MACROD2: variants seen among roughly 807,000 people sequenced by gnomAD.
MACROD2 encodes the protein mono-ADP ribosylhydrolase 2, also known as ADP-ribose glycohydrolase MACROD2.
In MACROD2, 36 loss-of-function variants were observed where a neutral mutation model predicts 70.4. The observed-to-expected ratio is 0.51, with a 90% CI of 0.39 to 0.68. The LOEUF is 0.68. MACROD2 is among the 30% of genes least tolerant of loss of function. The pLI is 0.00. For missense variants in MACROD2, 496 were observed against 538.4 expected (o/e 0.92, Z 0.78); for synonymous variants, 172 against 178.8 (o/e 0.96, Z 0.30).
intron 4 of MACROD2, among the ~76,000 whole-genome samples, chr20:14,676,358 C>A (rs1313688516): frequency 6.6e-6 from 1 of 152,150 alleles, no homozygotes. Flanking sequence ...GAAATCATAA[C>A]AAACTGTCTC....
intron 4 of MACROD2, among the ~76,000 whole-genome samples, chr20:14,661,671 A>T (rs906051064): frequency 1.1e-4 from 17 of 150,832 alleles, no homozygotes; most frequent in African/African-American, 3.6e-4. Flanking sequence ...TTCTAGGTAG[A>T]GCAAAACTTT....
chr20:14,385,553 A>G (rs2083460079), intron 3 of MACROD2, among the ~76,000 whole-genome samples: 1 of 152,226 alleles, frequency 6.6e-6, no homozygotes, highest in South Asian at 2.1e-4. Flanking sequence ...GAAAGTAAAC[A>G]TAAAAGAACT....
chr20:14,760,884 G>A (rs905593876), intron 5 of MACROD2, among the ~76,000 whole-genome samples: 12 of 152,116 alleles, frequency 7.9e-5, no homozygotes, highest in Admixed American at 2.6e-4. Context: ...CAACGTTACT[G>A]AAACTGCTAT....
intron 13 of MACROD2, among the ~76,000 whole-genome samples, chr20:15,980,759 T>G (rs1406385575): frequency 6.6e-6 from 1 of 152,234 alleles, no homozygotes; most frequent in East Asian, 1.9e-4. Context: ...TCTTATAGAC[T>G]TCTCTTTTAG....
intron 8 of MACROD2, among the ~76,000 whole-genome samples, chr20:15,815,735 A>G (rs976239237): frequency 2.2e-4 from 33 of 152,180 alleles, no homozygotes; most frequent in African/African-American, 8.0e-4. Flanking sequence ...AGTTGAAGTT[A>G]TATGAGTCTG....
chr20:15,819,940 G>A (rs1423719340), intron 8 of MACROD2, among the ~76,000 whole-genome samples: 1 of 152,162 alleles, frequency 6.6e-6, no homozygotes, highest in African/African-American at 2.4e-5. Context: ...AAAAAGAACT[G>A]TGTGAGATGA....
chr20:15,502,377 G>A (rs1333242646), intron 8 of MACROD2, among the ~76,000 whole-genome samples: 2 of 152,176 alleles, frequency 1.3e-5, no homozygotes, highest in East Asian at 1.9e-4. Flanking sequence ...TGTGGTTGAA[G>A]CAGAGAGACG....
rs114058128 is a variant in MACROD2 at position 15,497,443 on chromosome 20, C to T, written c.572-2331C>T. On this transcript the variant is annotated intron_variant, in intron 7 of 17. Transcript: ENST00000684519. ...AGTAGCTGGCATTACAGGTGCCCGC[C>T]ACCACGTTTGGCTAAGTTTTGTATT... 7.1e-3 allele frequency among the ~76,000 whole-genome samples: 1,086 copies of T among 152,268 alleles called. 15 individuals are homozygous for T. Among genetic ancestry groups the T allele is most frequent in the African/African-American group, 0.025 (1,019 of 41,544 alleles).
intron 5 of MACROD2, among the ~76,000 whole-genome samples, chr20:14,821,876 T>C (rs2072849112): frequency 6.6e-6 from 1 of 152,092 alleles, no homozygotes; most frequent in Non-Finnish European, 1.5e-5. Flanking sequence ...TACTTACATT[T>C]CCAAAGACTT....
chr20:14,041,032 C>T (rs962203748), intron 2 of MACROD2, among the ~76,000 whole-genome samples: 4 of 152,186 alleles, frequency 2.6e-5, no homozygotes, highest in African/African-American at 9.7e-5. Context: ...GTAGAATTCG[C>T]ATAGTTCTCA....
intron 5 of MACROD2, among the ~76,000 whole-genome samples, chr20:14,877,657 T>A (rs1341188900): frequency 6.6e-6 from 1 of 151,988 alleles, no homozygotes; most frequent in African/African-American, 2.4e-5. Context: ...GTTTTTTTGT[T>A]TTGTTTTGTT....
At chr20:14,214,837 A>C (rs1223691478) in intron 3 of MACROD2, among the ~76,000 whole-genome samples, 1 of 151,826 alleles carries the variant, frequency 6.6e-6, no homozygotes, top group African/African-American at 2.4e-5. Context: ...CCCACATATC[A>C]GTGAGAACAT....
chr20:14,379,878 G>T (rs2083405645), intron 3 of MACROD2, among the ~76,000 whole-genome samples: 1 of 152,012 alleles, frequency 6.6e-6, no homozygotes, highest in Non-Finnish European at 1.5e-5. Flanking sequence ...CACTTGGATT[G>T]TTTCTACCTT....
intron 3 of MACROD2, among the ~76,000 whole-genome samples, chr20:14,249,592 G>A (rs2122265395): frequency 6.6e-6 from 1 of 152,148 alleles, no homozygotes; most frequent in East Asian, 1.9e-4. Context: ...TAATTCAGAA[G>A]TTTGGGATGC....
At chr20:15,834,275 G>C (rs2064088414) in intron 8 of MACROD2, among the ~76,000 whole-genome samples, 1 of 152,198 alleles carries the variant, frequency 6.6e-6, no homozygotes, top group South Asian at 2.1e-4. Context: ...AGGAGGCAGA[G>C]GTTGCAGTGA....
chr20:14,379,663 A>G (rs2083403897), intron 3 of MACROD2, among the ~76,000 whole-genome samples: 1 of 152,056 alleles, frequency 6.6e-6, no homozygotes, highest in Non-Finnish European at 1.5e-5. Flanking sequence ...TTCTGTGTCT[A>G]TAAATTTGCC....
intron 3 of MACROD2, among the ~76,000 whole-genome samples, chr20:14,186,685 G>T (rs2081347111): frequency 6.6e-6 from 1 of 152,048 alleles, no homozygotes; most frequent in Non-Finnish European, 1.5e-5. Context: ...GCAAAGACAT[G>T]GAATCAACCT....
chr20:14,027,463 A>C (rs940259435), intron 2 of MACROD2, among the ~76,000 whole-genome samples: 1 of 151,998 alleles, frequency 6.6e-6, no homozygotes, highest in African/African-American at 2.4e-5. Flanking sequence ...TACTTCTGTC[A>C]ATTTGTCAAA....
At chr20:14,230,654 T>TATATATAAAAAA in intron 3 of MACROD2, among the ~76,000 whole-genome samples, 2 of 74,240 alleles carry the variant, frequency 2.7e-5, no homozygotes, top group African/African-American at 1.4e-4. Flanking sequence ...TATATATATA[T>TATATATAAAAAA]AACACAGGCT....
Sources: allele counts gnomAD v4.1 joint callset (sites outside exome capture counted in the v4.1 genomes callset), GRCh38; gene constraint gnomAD v4.1.1; transcripts MANE v1.5; gene names NCBI Gene and HGNC (gene_info 2026-07-23, HGNC 2026-07-21).